LGALS3: variants seen among roughly 807,000 people sequenced by gnomAD.
LGALS3 encodes galectin 3, also known as galectin-3.
LGALS3 carries 18 observed loss-of-function variants against 20.7 expected under a neutral mutation model. That is an observed-to-expected ratio of 0.87 (90% CI 0.60 to 1.29). LGALS3 has a LOEUF of 1.29. Ranked by LOEUF, LGALS3 falls within the 50% of genes most tolerant of loss-of-function variation. LGALS3 has a pLI of 0.00. For synonymous variants in LGALS3, 112 were observed against 119.6 expected (o/e 0.94, Z 0.42); for missense variants, 315 against 314.7 (o/e 1.00, Z -0.01).
intron 2 of LGALS3, 151 bp from the exon 3 acceptor site, chr14:55,137,894 A>C (rs989147237): frequency 7.5e-7 from 1 of 1,324,818 alleles, no homozygotes; most frequent in African/African-American, 1.5e-5. Flanking sequence ...TTAGAAACTC[A>C]AACTATTAAT....
At position 55,145,308 on chromosome 14, in the gene LGALS3, A is replaced by G; in HGVS notation, c.*37A>G. ...CAGATTAAAAAAAAAAAAAGAATCT[A>G]AACCTTACATGTGTAAAGGTTTCAT... On this transcript the variant is annotated 3_prime_UTR_variant, in exon 6 of 6. Coordinates refer to ENST00000254301, the MANE Select transcript of LGALS3 (RefSeq NM_002306.4). 1 of 1,607,438 alleles carries G rather than the reference A, an allele frequency of 6.2e-7. No homozygotes were observed. The highest frequency in any genetic ancestry group is 8.5e-7 in the Non-Finnish European group (1 of 1,176,904).
chr14:55,137,302 G>A (rs61975413), intron 1 of LGALS3, 68 bp from the exon 2 acceptor site: 1 of 1,406,132 alleles, frequency 7.1e-7, no homozygotes, highest in Non-Finnish European at 1.0e-6. Flanking sequence ...TGAACTAGTG[G>A]TGAGGTTCAG....
intron 3 of LGALS3, among the ~76,000 whole-genome samples, chr14:55,139,680 T>G (rs1353090669): frequency 6.6e-6 from 1 of 151,998 alleles, no homozygotes; most frequent in East Asian, 1.9e-4. Flanking sequence ...CAGGGGGAAG[T>G]CTTAAAAAGG....
At chr14:55,142,804 C>A in intron 5 of LGALS3, 55 bp downstream of exon 5, 2 of 1,417,872 alleles carry the variant, frequency 1.4e-6, no homozygotes, top group Non-Finnish European at 2.0e-6. Context: ...TGAGGAATCA[C>A]TCTAAAACCC....
chr14:55,129,974 GCT>G lies in LGALS3; in HGVS notation c.-5+675_-5+676del, dbSNP rs887508015. ...GACCAGCTGCGGCCGGGCTGCAGCC[GCT>G]GTCTGGTTGCTGATCCCACAGAAAA... On this transcript the variant is annotated intron_variant, in intron 1 of 5. Transcript: ENST00000254301. This position sits in a 1 kb window ranked among gnomAD's most constrained non-coding sequence, Gnocchi z 5.3. Among the ~76,000 whole-genome samples, 1 of 152,196 alleles carries G rather than the reference GCT, an allele frequency of 6.6e-6. No homozygotes were observed. The highest frequency in any genetic ancestry group is 1.5e-5 in the Non-Finnish European group (1 of 68,036).
intron 1 of LGALS3, among the ~76,000 whole-genome samples, chr14:55,136,127 G>A (rs1392455307): frequency 1.3e-5 from 2 of 152,128 alleles, no homozygotes; most frequent in African/African-American, 4.8e-5. Context: ...TTGTGCTTTT[G>A]GAGCCTTGAC....
At chr14:55,142,542 C>T (rs1349029822) in intron 4 of LGALS3, 42 bp from the exon 5 acceptor site, 3 of 1,519,482 alleles carry the variant, frequency 2.0e-6, no homozygotes, top group Non-Finnish European at 2.7e-6. Context: ...TGCAAATGTA[C>T]AGCTTTAATC....
Position 55,129,300 on chromosome 14 carries a change from G to A in LGALS3, c.-5G>A, listed in dbSNP as rs1881154534. 1 of 151,904 alleles carries A rather than the reference G, an allele frequency of 6.6e-6. No homozygotes were observed. Among genetic ancestry groups the A allele is most frequent in the Non-Finnish European group, 1.5e-5 (1 of 68,014 alleles). 9.4% of individuals were successfully genotyped at this position (151,904 alleles called of 1,614,324 possible). On this transcript the variant is annotated splice_region_variant and 5_prime_UTR_variant, in exon 1 of 6. Coordinates refer to ENST00000254301, the MANE Select transcript of LGALS3 (RefSeq NM_002306.4). The surrounding 1 kb of genome is among the most constrained non-coding windows in gnomAD (Gnocchi z 5.3). The stretch of plus-strand genomic sequence containing the variant: ...AGCCGTCCGGAGCCAGCCAACGAGC[G>A]GTGAGCTGCGCGGGGCGCGGGGGAC...
At chr14:55,135,562 T>G (rs1012435672) in intron 1 of LGALS3, among the ~76,000 whole-genome samples, 1,320 of 124,764 alleles carry the variant, frequency 0.011, 5 homozygotes, top group Non-Finnish European at 0.016. Context: ...ATTTTATGGT[T>G]TTTTTTTTTT....
Position 55,138,226 on chromosome 14 carries a change from C to T in LGALS3, c.200C>T (p.Pro67Leu), listed in dbSNP as rs372168966. 30 of 1,612,668 alleles carry T rather than the reference C, an allele frequency of 1.9e-5. No individual in the cohort carries two copies. The South Asian group carries it at 2.2e-4, about 12-fold the overall frequency. Residue 67 changes from proline (P) to leucine (L), a missense_variant, in exon 3 of 6, where the codon CCT becomes CTT. By Grantham distance (98) the Pro-to-Leu change is moderately conservative. Transcript: ENST00000254301. Reference sequence around the variant, plus strand: ...CCTCCAGGCGCCTACCCTGGAGCACCTGGAGCTTATCCCGGAGCACCTGCA... The same window carrying T: ...CCTCCAGGCGCCTACCCTGGAGCACTTGGAGCTTATCCCGGAGCACCTGCA... ...QAPPGAYPGA[P>L]GAYPGAPAPG...
chr14:55,141,981 G>GC (rs1173130773), intron 4 of LGALS3, among the ~76,000 whole-genome samples: 2 of 152,198 alleles, frequency 1.3e-5, no homozygotes, highest in Non-Finnish European at 2.9e-5. Flanking sequence ...AGCTAAACTA[G>GC]CAATTTCATT....
intron 1 of LGALS3, among the ~76,000 whole-genome samples, chr14:55,130,013 C>G (rs1044322462): frequency 6.6e-6 from 1 of 152,198 alleles, no homozygotes; most frequent in Non-Finnish European, 1.5e-5. Context: ...GGTGCTTGCC[C>G]CATGGCCTGA....
chr14:55,134,375 T>C (rs2140289651), intron 1 of LGALS3, among the ~76,000 whole-genome samples: 1 of 152,334 alleles, frequency 6.6e-6, no homozygotes, highest in East Asian at 1.9e-4. Flanking sequence ...TAAGCTCCTG[T>C]GCAATGAGGA....
At chr14:55,137,475 C>G in intron 2 of LGALS3, 84 bp downstream of exon 2, 12 of 1,613,616 alleles carry the variant, frequency 7.4e-6, no homozygotes, top group Non-Finnish European at 7.6e-6. Context: ...ATGACTTTCC[C>G]TTTTCACTCT....
chr14:55,134,859 A>C (rs190292371), intron 1 of LGALS3, among the ~76,000 whole-genome samples: 270 of 152,308 alleles, frequency 1.8e-3, no homozygotes, highest in Non-Finnish European at 4.0e-4. Context: ...GACCATGTTC[A>C]AAAAGAGATG....
At position 55,137,366 on chromosome 14, in the gene LGALS3, TC is replaced by T; in HGVS notation, c.-4-3del. 1 of 1,613,712 alleles carries T rather than the reference TC, an allele frequency of 6.2e-7. No homozygotes were observed. The highest frequency in any genetic ancestry group is 8.5e-7 in the Non-Finnish European group (1 of 1,179,548). On this transcript the variant is annotated splice_region_variant and splice_polypyrimidine_tract_variant and intron_variant, in intron 1 of 5. Transcript: ENST00000254301. ...GATAAAATGATAATCTTTGTTTCTTTCAGGAAAATGGCAGACAATTTTTCGG... is the reference window on the plus strand; with the variant it reads ...GATAAAATGATAATCTTTGTTTCTTTAGGAAAATGGCAGACAATTTTTCGG...
intron 3 of LGALS3, among the ~76,000 whole-genome samples, chr14:55,140,020 C>T (rs1050245882): frequency 6.6e-6 from 1 of 152,124 alleles, no homozygotes; most frequent in African/African-American, 2.4e-5. Flanking sequence ...CAAAAATAGT[C>T]AACATGAATG....
chr14:55,142,643 A>G lies in LGALS3; in HGVS notation c.491A>G (p.Asn164Ser), dbSNP rs1881664591. ...DVAFHFNPRF[N>S]ENNRRVIVCN... Reference sequence around the variant, plus strand: ...GCCTTCCACTTTAACCCACGCTTCAATGAGAACAACAGGAGAGTCATTGTT... The same window carrying G: ...GCCTTCCACTTTAACCCACGCTTCAGTGAGAACAACAGGAGAGTCATTGTT... Residue 164 changes from asparagine to serine, a missense_variant, in exon 5 of 6, where the codon AAT becomes AGT. Coordinates refer to ENST00000254301, the MANE Select transcript of LGALS3 (RefSeq NM_002306.4). 5.6e-6 allele frequency: 9 copies of G among 1,613,690 alleles called. No homozygotes were observed. The highest frequency in any genetic ancestry group is 3.3e-5 in the South Asian group (3 of 91,092).
At chr14:55,141,498 T>C (rs910559624) in intron 4 of LGALS3, among the ~76,000 whole-genome samples, 11 of 152,204 alleles carry the variant, frequency 7.2e-5, no homozygotes, top group African/African-American at 2.7e-4. Flanking sequence ...TATCCTTGTC[T>C]TGTTAGAGTC....
Sources: allele counts gnomAD v4.1 joint callset (sites outside exome capture counted in the v4.1 genomes callset), GRCh38; gene constraint gnomAD v4.1.1; non-coding constraint Gnocchi (gnomAD v3.1); transcripts MANE v1.5; gene names NCBI Gene and HGNC (gene_info 2026-07-23, HGNC 2026-07-21).